HSPA2: variants seen among roughly 807,000 people sequenced by gnomAD.
The protein encoded by HSPA2 is heat shock protein family A (Hsp70) member 2, also known as heat shock-related 70 kDa protein 2.
In HSPA2, 13 loss-of-function variants were observed where a neutral mutation model predicts 35.0. That is an observed-to-expected ratio of 0.37 (90% CI 0.24 to 0.59). The LOEUF (loss-of-function observed/expected upper bound fraction) is 0.59, where lower values mean the gene tolerates loss of function less well. Among genes scored for constraint, HSPA2 ranks in the 20% least tolerant of loss-of-function variants. The pLI is 0.70. For missense variants in HSPA2, 565 were observed against 885.4 expected, an observed-to-expected ratio of 0.64 and a Z score of 4.59; for synonymous variants, 368 against 382.1, an observed-to-expected ratio of 0.96 and a Z score of 0.43.
upstream of HSPA2, chr14:64,540,333 G>A: frequency 1.1e-5 from 2 of 178,856 alleles, no homozygotes; most frequent in East Asian, 3.3e-4. Context: ...CCCCTTCCAC[G>A]CCTCCTCCCC....
upstream of HSPA2, among the ~76,000 whole-genome samples, chr14:64,539,755 C>T (rs1381179978): frequency 2.0e-5 from 3 of 152,110 alleles, no homozygotes; most frequent in Non-Finnish European, 4.4e-5. Context: ...GATCTCGGCT[C>T]ACTGCAACCT....
Position 64,541,254 on chromosome 14 carries a change from C to T in HSPA2, c.405C>T (p.Tyr135=), listed in dbSNP as rs527383906. The change falls in exon 1 of 1, where the codon TAC becomes TAT. Residue 135 remains tyrosine (Y), a synonymous_variant. Transcript: ENST00000247207. The part of the protein sequence containing the change: ...LTKMKEIAEA[Y]LGGKVHSAVI... ...AGATGAAGGAGATCGCGGAAGCCTA[C>T]CTGGGGGGCAAGGTGCACAGCGCGG... The T allele has an allele frequency of 3.2e-5, 52 of 1,613,938 alleles. 2 individuals carry two copies. The South Asian group carries it at 5.5e-4, about 17-fold the overall frequency.
upstream of HSPA2, chr14:64,540,729 G>A: frequency 6.9e-7 from 1 of 1,446,972 alleles, no homozygotes; most frequent in Non-Finnish European, 9.2e-7. Flanking sequence ...CGGGAACTGG[G>A]CGCGGGGAGC....
At position 64,542,489 on chromosome 14, in the gene HSPA2, C is replaced by A; in HGVS notation, c.1640C>A (p.Ser547Tyr). The A allele has an allele frequency of 6.2e-7, 1 of 1,613,362 alleles. No homozygotes were observed. Among genetic ancestry groups the A allele is most frequent in the Non-Finnish European group, 8.5e-7 (1 of 1,179,970 alleles). ...DRVAAKNALE[S>Y]YTYNIKQTVE... ...GTCGCGGCCAAAAACGCCCTGGAGT[C>A]CTATACCTACAACATCAAGCAGACG... The change falls in exon 1 of 1, where the codon TCC becomes TAC. Residue 547 changes from serine (S) to tyrosine (Y), a missense_variant. Physicochemically the swap from Ser to Tyr is moderately radical, Grantham distance 144 (BLOSUM62 -2). This residue lies in a region of HSPA2 where 147 missense variants were observed against 166.7 expected (regional missense o/e 0.88). Coordinates refer to ENST00000247207, the MANE Select transcript of HSPA2 (RefSeq NM_021979.4). The surrounding 1 kb of genome is among the most constrained non-coding windows in gnomAD (Gnocchi z 5.7).
upstream of HSPA2, among the ~76,000 whole-genome samples, chr14:64,539,843 A>T (rs371340229): frequency 1.3e-5 from 2 of 152,006 alleles, no homozygotes; most frequent in East Asian, 3.9e-4. Flanking sequence ...CACCACGCCC[A>T]GCTAATTTTT....
rs935332359 is a variant in HSPA2 at position 64,542,750 on chromosome 14, C to A, written c.1901C>A (p.Thr634Asn). The part of the protein sequence containing the change: ...GGGSGASGGP[T>N]IEEVD Reference sequence around the variant, plus strand: ...GGTTCAGGAGCCTCCGGGGGACCCACCATCGAAGAAGTGGACTAAGCTTGC... The same window carrying A: ...GGTTCAGGAGCCTCCGGGGGACCCAACATCGAAGAAGTGGACTAAGCTTGC... Residue 634 changes from threonine to asparagine, a missense_variant, in exon 1 of 1, where the codon ACC (threonine) becomes AAC (asparagine). Coordinates refer to ENST00000247207, the MANE Select transcript of HSPA2 (RefSeq NM_021979.4). The surrounding 1 kb of genome is among the most constrained non-coding windows in gnomAD (Gnocchi z 5.7). 1.2e-6 allele frequency: 2 copies of A among 1,609,520 alleles called. No homozygotes were observed. The highest frequency in any genetic ancestry group is 2.7e-5 in the African/African-American group (2 of 74,850).
chr14:64,539,847 A>G (rs2080009790), upstream of HSPA2, among the ~76,000 whole-genome samples: 4 of 151,958 alleles, frequency 2.6e-5, no homozygotes, highest in South Asian at 8.3e-4. Context: ...ACGCCCAGCT[A>G]ATTTTTGTAT....
rs1465950421 is a variant in HSPA2 at position 64,542,673 on chromosome 14, C to T, written c.1824C>T (p.Pro608=). 3 of 1,614,034 alleles carry T rather than the reference C, an allele frequency of 1.9e-6. No homozygotes were observed. Among genetic ancestry groups the T allele is most frequent in the African/African-American group, 2.7e-5 (2 of 75,020 alleles). ...AAGAGCTCGAAAGAGTTTGCAACCC[C>T]ATCATCAGCAAACTTTACCAAGGTG... ...KQKELERVCN[P]IISKLYQGGP... is the part of the protein sequence containing the mutation. Residue 608 remains proline, a synonymous_variant, in exon 1 of 1, where the codon CCC becomes CCT. Coordinates refer to ENST00000247207, the MANE Select transcript of HSPA2 (RefSeq NM_021979.4). The surrounding 1 kb of genome is among the most constrained non-coding windows in gnomAD (Gnocchi z 5.7).
Position 64,542,789 on chromosome 14 carries a change from T to C in HSPA2, c.*20T>C. The C allele has an allele frequency of 6.4e-7, 1 of 1,564,208 alleles. No individual in the cohort carries two copies. Among genetic ancestry groups the C allele is most frequent in the Non-Finnish European group, 8.6e-7 (1 of 1,157,648 alleles). ...GACTAAGCTTGCACTCAAGTCAGCG[T>C]AAACCTCTTTGCCTTTCTCTCTCTC... On this transcript the variant is annotated 3_prime_UTR_variant, in exon 1 of 1. Coordinates refer to ENST00000247207, the MANE Select transcript of HSPA2 (RefSeq NM_021979.4). This position sits in a 1 kb window ranked among gnomAD's most constrained non-coding sequence, Gnocchi z 5.7.
chr14:64,537,486 A>C (rs8018735), upstream of HSPA2, among the ~76,000 whole-genome samples: 96,047 of 151,382 alleles, frequency 0.63, 31,809 homozygotes, highest in East Asian at 0.86. Context: ...AGCTATCTGG[A>C]AGGCTGAGGC....
chr14:64,541,362 G>A lies in HSPA2; in HGVS notation c.513G>A (p.Leu171=), dbSNP rs747064396. 6.2e-6 allele frequency: 10 copies of A among 1,613,734 alleles called. No homozygotes were observed. The highest frequency in any genetic ancestry group is 6.8e-6 in the Non-Finnish European group (8 of 1,180,014). Residue 171 remains leucine, a synonymous_variant, in exon 1 of 1, where the codon CTG becomes CTA. Coordinates refer to ENST00000247207, the MANE Select transcript of HSPA2 (RefSeq NM_021979.4). ...GCACCATCACGGGGCTCAATGTGCT[G>A]CGCATCATCAACGAGCCCACGGCGG... The part of the protein sequence containing the change: ...DAGTITGLNV[L]RIINEPTAAA...
At chr14:64,540,731 G>T, upstream of HSPA2, 1 of 1,451,378 alleles carries the variant, frequency 6.9e-7, no homozygotes, top group Non-Finnish European at 9.2e-7. Context: ...GGAACTGGGC[G>T]CGGGGAGCTG....
chr14:64,540,164 G>A (rs945918987), upstream of HSPA2, among the ~76,000 whole-genome samples: 5 of 150,022 alleles, frequency 3.3e-5, no homozygotes, highest in African/African-American at 9.9e-5. Flanking sequence ...GGACGGCGCC[G>A]GGGAAAACAA....
chr14:64,539,909 T>C (rs2080010680), upstream of HSPA2, among the ~76,000 whole-genome samples: 1 of 152,132 alleles, frequency 6.6e-6, no homozygotes, highest in Non-Finnish European at 1.5e-5. Context: ...CTCGATGTCT[T>C]AACGTCGTGA....
In HSPA2 at chr14:64,541,019, A is replaced by G. The variant is rs774257042; in HGVS notation, c.170A>G (p.Lys57Arg). The change falls in exon 1 of 1, where the codon AAG (lysine) becomes AGG (arginine). Residue 57 changes from lysine to arginine, a missense_variant. Lys to Arg is a conservative substitution (Grantham distance 26). This residue lies in a region of HSPA2 where 183 missense variants were observed against 281.6 expected (regional missense o/e 0.65). Coordinates refer to ENST00000247207, the MANE Select transcript of HSPA2 (RefSeq NM_021979.4). ...GAGCGCCTCATCGGCGACGCCGCCAAGAACCAGGTGGCCATGAACCCCACC... is the reference window on the plus strand; with the variant it reads ...GAGCGCCTCATCGGCGACGCCGCCAGGAACCAGGTGGCCATGAACCCCACC... Reference protein sequence around the residue: ...DTERLIGDAAKNQVAMNPTNT... With the variant: ...DTERLIGDAARNQVAMNPTNT... 1 of 1,614,208 alleles carries G rather than the reference A, an allele frequency of 6.2e-7. No individual in the cohort carries two copies. Among genetic ancestry groups the G allele is most frequent in the East Asian group, 2.2e-5 (1 of 44,880 alleles).
Position 64,540,888 on chromosome 14 carries a change from C to A in HSPA2, c.39C>A (p.Gly13=), listed in dbSNP as rs1194811859. The A allele has an allele frequency of 6.2e-7, 1 of 1,614,158 alleles. No homozygotes were observed. The highest frequency in any genetic ancestry group is 2.2e-5 in the East Asian group (1 of 44,866). ...GCCCGGCTATCGGCATCGACCTGGG[C>A]ACCACCTATTCGTGCGTCGGGGTCT... The part of the protein sequence containing the change: ...ARGPAIGIDL[G]TTYSCVGVFQ... Residue 13 remains glycine (G), a synonymous_variant, in exon 1 of 1, where the codon GGC becomes GGA. Coordinates refer to ENST00000247207, the MANE Select transcript of HSPA2 (RefSeq NM_021979.4).
Position 64,542,679 on chromosome 14 carries a change from C to T in HSPA2, c.1830C>T (p.Ile610=), listed in dbSNP as rs765738800. ...TCGAAAGAGTTTGCAACCCCATCAT[C>T]AGCAAACTTTACCAAGGTGGTCCTG... The part of the protein sequence containing the change: ...KELERVCNPI[I]SKLYQGGPGG... The change falls in exon 1 of 1, where the codon ATC becomes ATT. Residue 610 remains isoleucine, a synonymous_variant. Transcript: ENST00000247207. This position sits in a 1 kb window ranked among gnomAD's most constrained non-coding sequence, Gnocchi z 5.7. The T allele has an allele frequency of 1.9e-5, 30 of 1,613,986 alleles. No homozygotes were observed. The highest frequency in any genetic ancestry group is 2.2e-5 in the Non-Finnish European group (26 of 1,180,042).
At chr14:64,540,701 A>C (rs556064635), upstream of HSPA2, 566 of 1,237,864 alleles carry the variant, frequency 4.6e-4, 2 homozygotes, top group African/African-American at 7.6e-3. Flanking sequence ...GGGAGTTCCC[A>C]GAGGCGGCTA....
Position 64,542,713 on chromosome 14 carries a change from A to AGCG in HSPA2, c.1875_1877dup (p.Gly626dup), listed in dbSNP as rs754388376. The stretch of plus-strand genomic sequence containing the variant: ...TTACCAAGGTGGTCCTGGCGGCGGC[A>AGCG]GCGGCGGCGGCGGTTCAGGAGCCTC... On this transcript the variant is annotated inframe_insertion, in exon 1 of 1. Transcript: ENST00000247207. This position sits in a 1 kb window ranked among gnomAD's most constrained non-coding sequence, Gnocchi z 5.7. The AGCG allele has an allele frequency of 1.6e-5, 26 of 1,613,826 alleles. No individual in the cohort carries two copies. The East Asian group carries it at 2.2e-4, about 14-fold the overall frequency.
Sources: allele counts gnomAD v4.1 joint callset (sites outside exome capture counted in the v4.1 genomes callset), GRCh38; gene constraint gnomAD v4.1.1; regional missense constraint gnomAD v4.1.1; non-coding constraint Gnocchi (gnomAD v3.1); transcripts MANE v1.5; gene names NCBI Gene and HGNC (gene_info 2026-07-23, HGNC 2026-07-21).